The following ASXL3 variants were observed in gnomAD, a reference collection of about 807,000 sequenced individuals.
ASXL3 encodes the protein ASXL transcriptional regulator 3.
A neutral mutation model predicts 170.6 loss-of-function variants in ASXL3; 34 were observed. That is an observed-to-expected ratio of 0.20 (90% CI 0.15 to 0.27). The LOEUF (loss-of-function observed/expected upper bound fraction) is 0.27. Ranked by LOEUF, ASXL3 falls within the 10% of genes least tolerant of loss-of-function variation. ASXL3 has a pLI of 1.00. For missense variants in ASXL3, 2,592 were observed against 2,695.3 expected, an observed-to-expected ratio of 0.96 and a Z score of 0.85; for synonymous variants, 1,002 against 989.1, an observed-to-expected ratio of 1.01 and a Z score of -0.24.
At chr18:33,610,824 A>G (rs1369293285) in intron 2 of ASXL3, among the ~76,000 whole-genome samples, 1 of 152,044 alleles carries the variant, frequency 6.6e-6, no homozygotes, top group Non-Finnish European at 1.5e-5. Flanking sequence ...AGTTATTTTT[A>G]ACATCAAAAG....
chr18:33,728,301 T>G (rs2067381878), intron 8 of ASXL3, among the ~76,000 whole-genome samples: 1 of 152,166 alleles, frequency 6.6e-6, no homozygotes, highest in Admixed American at 6.5e-5. Flanking sequence ...GTGTCTTCTA[T>G]ACATGTACTC....
At chr18:33,688,553 G>T (rs1296047870) in intron 8 of ASXL3, among the ~76,000 whole-genome samples, 1 of 152,148 alleles carries the variant, frequency 6.6e-6, no homozygotes. Context: ...TCACAGAGAA[G>T]TATATGTATT....
chr18:33,727,735 GT>G (rs2067374449), intron 8 of ASXL3, among the ~76,000 whole-genome samples: 1 of 152,074 alleles, frequency 6.6e-6, no homozygotes, highest in Admixed American at 6.5e-5. Context: ...TTTCAGAAAT[GT>G]TTATTGTTCC....
intron 2 of ASXL3, among the ~76,000 whole-genome samples, chr18:33,637,925 C>T (rs555601391): frequency 2.0e-5 from 3 of 152,216 alleles, no homozygotes; most frequent in Admixed American, 2.0e-4. Context: ...TTTAGTTCAG[C>T]TCAGCCTACA....
At chr18:33,623,149 T>G (rs952963053) in intron 2 of ASXL3, among the ~76,000 whole-genome samples, 4 of 152,172 alleles carry the variant, frequency 2.6e-5, no homozygotes, top group African/African-American at 9.6e-5. Context: ...AGCACCTCCT[T>G]GTGAAGAATT....
At chr18:33,630,216 T>C (rs1053134735) in intron 2 of ASXL3, among the ~76,000 whole-genome samples, 1 of 152,016 alleles carries the variant, frequency 6.6e-6, no homozygotes, top group Non-Finnish European at 1.5e-5. Context: ...ACTTCCTTTC[T>C]AAAGCCTCTT....
chr18:33,689,870 A>C (rs2066659537), intron 8 of ASXL3, among the ~76,000 whole-genome samples: 1 of 152,132 alleles, frequency 6.6e-6, no homozygotes, highest in African/African-American at 2.4e-5. Flanking sequence ...GTACAAACAC[A>C]CACAGACACA....
chr18:33,738,736 C>T lies in ASXL3; in HGVS notation c.1332C>T (p.Ile444=), dbSNP rs375331648. ...MAELESEDIL[I]PEESVIQEEI... ...AATTGGAGTCAGAGGATATCTTGAT[C>T]CCTGAAGAATCTGTAATTCAGGAGG... Residue 444 remains isoleucine, a synonymous_variant, in exon 11 of 12, where the codon ATC becomes ATT. Transcript: ENST00000269197. 1.3e-5 allele frequency: 21 copies of T among 1,613,760 alleles called. No homozygotes were observed. The highest frequency in any genetic ancestry group is 1.7e-5 in the Non-Finnish European group (20 of 1,179,874).
chr18:33,727,186 C>T (rs1246687733), intron 8 of ASXL3, among the ~76,000 whole-genome samples: 2 of 151,992 alleles, frequency 1.3e-5, no homozygotes, highest in Non-Finnish European at 2.9e-5. Flanking sequence ...TCTCGGTGCA[C>T]CGTTATTATT....
intron 8 of ASXL3, among the ~76,000 whole-genome samples, chr18:33,709,373 A>G (rs1012116892): frequency 6.6e-6 from 1 of 152,044 alleles, no homozygotes; most frequent in Non-Finnish European, 1.5e-5. Context: ...CAAAACTTGG[A>G]AACTACCAAA....
intron 5 of ASXL3, among the ~76,000 whole-genome samples, chr18:33,668,427 CAAAA>C (rs11288492): frequency 8.6e-6 from 1 of 115,926 alleles, no homozygotes; most frequent in Admixed American, 8.9e-5. Flanking sequence ...GACTCCATCT[CAAAA>C]AAAAAAAAAA....
intron 8 of ASXL3, among the ~76,000 whole-genome samples, chr18:33,684,739 G>A (rs1209444148): frequency 1.3e-5 from 2 of 152,112 alleles, no homozygotes; most frequent in East Asian, 3.9e-4. Context: ...AACTGTATTT[G>A]TAAATAACCA....
chr18:33,653,851 G>T (rs541841776), intron 4 of ASXL3, among the ~76,000 whole-genome samples: 2 of 150,452 alleles, frequency 1.3e-5, no homozygotes, highest in African/African-American at 4.9e-5. Context: ...TTTTAATTAA[G>T]CTAATTTGCT....
rs561443789 is a variant in ASXL3, at chr18:33,729,254, A to C, written c.880-2714A>C. 5.3e-5 allele frequency among the ~76,000 whole-genome samples: 8 copies of C among 152,338 alleles called. No individual in the cohort carries two copies. The South Asian group carries it at 1.7e-3, about 32-fold the overall frequency. Reference sequence around the variant, plus strand: ...TTGGAGAAAATGTGTAGAATGAGCCACAGAACTGTTCCACAGGAGGACAGC... The same window carrying C: ...TTGGAGAAAATGTGTAGAATGAGCCCCAGAACTGTTCCACAGGAGGACAGC... On this transcript the variant is annotated intron_variant, in intron 8 of 11. Transcript: ENST00000269197.
chr18:33,646,012 T>A (rs866648347), intron 3 of ASXL3, among the ~76,000 whole-genome samples: 6 of 151,706 alleles, frequency 4.0e-5, no homozygotes, highest in South Asian at 4.1e-4. Flanking sequence ...AAAAGGAAAC[T>A]TTTTTTGGGT....
At chr18:33,669,614 G>C (rs2066309021) in intron 5 of ASXL3, among the ~76,000 whole-genome samples, 1 of 150,598 alleles carries the variant, frequency 6.6e-6, no homozygotes, top group Non-Finnish European at 1.5e-5. Context: ...GCAAATAAAA[G>C]GACATCGTTT....
In ASXL3 at chr18:33,745,392, G is replaced by A. The variant is rs1354745297; in HGVS notation, c.5544G>A (p.Leu1848=). 6.2e-7 allele frequency: 1 copy of A among 1,613,874 alleles called. No homozygotes were observed. The highest frequency in any genetic ancestry group is 1.3e-5 in the African/African-American group (1 of 74,916). Residue 1848 remains leucine, a synonymous_variant, in exon 12 of 12, where the codon TTG becomes TTA. Transcript: ENST00000269197. The part of the protein sequence containing the change: ...HTQVKCEPGK[L]LVEPDVKGVP... Reference sequence around the variant, plus strand: ...AAGTTAAATGTGAACCAGGAAAATTGTTGGTGGAGCCAGATGTTAAAGGGG... The same window carrying A: ...AAGTTAAATGTGAACCAGGAAAATTATTGGTGGAGCCAGATGTTAAAGGGG...
At chr18:33,580,912 C>T (rs1378235559) in intron 1 of ASXL3, among the ~76,000 whole-genome samples, 1 of 152,060 alleles carries the variant, frequency 6.6e-6, no homozygotes, top group Admixed American at 6.5e-5. Context: ...AAATCAAATA[C>T]TGAATAAAAT....
At chr18:33,687,886 A>C (rs1472936098) in intron 8 of ASXL3, among the ~76,000 whole-genome samples, 1 of 152,146 alleles carries the variant, frequency 6.6e-6, no homozygotes, top group Non-Finnish European at 1.5e-5. Context: ...TAGAAGACAG[A>C]AGTTTGGGTG....
Sources: allele counts gnomAD v4.1 joint callset (sites outside exome capture counted in the v4.1 genomes callset), GRCh38; gene constraint gnomAD v4.1.1; transcripts MANE v1.5; gene names NCBI Gene and HGNC (gene_info 2026-07-23, HGNC 2026-07-21).